YPEL2: variants seen among roughly 807,000 people sequenced by gnomAD.
YPEL2 encodes yippee like 2.
In YPEL2, 2 loss-of-function variants were observed where a neutral mutation model predicts 19.1. That is an observed-to-expected ratio of 0.10 (90% confidence interval 0.04 to 0.33). YPEL2 has a LOEUF of 0.33. Ranked by LOEUF, YPEL2 falls within the 10% of genes least tolerant of loss-of-function variation. The probability of loss-of-function intolerance (pLI) is 1.00; values close to 1 mark genes in which losing one functional copy is unlikely to be tolerated. For synonymous variants in YPEL2, 52 were observed against 50.0 expected (o/e 1.04, Z -0.17); for missense variants, 66 against 140.7 (o/e 0.47, Z 2.68).
intron 1 of YPEL2, among the ~76,000 whole-genome samples, chr17:59,343,269 G>A (rs1383967563): frequency 6.6e-6 from 1 of 152,088 alleles, no homozygotes; most frequent in Non-Finnish European, 1.5e-5. Flanking sequence ...ACATGGCAGT[G>A]TGGTTTCACT....
chr17:59,400,258 AGAGAT>A lies in YPEL2; in HGVS notation c.*3071_*3075del, dbSNP rs2048063683. On this transcript the variant is annotated 3_prime_UTR_variant, in exon 5 of 5. Transcript: ENST00000312655. ...TTACTGGTGGATCAGTGTGTGCGAAAGAGATGACCCTTTATAAAGAGATTTTCAAG... is the reference window on the plus strand; with the variant it reads ...TTACTGGTGGATCAGTGTGTGCGAAAGACCCTTTATAAAGAGATTTTCAAG... 6.5e-6 allele frequency: 1 copy of A among 152,682 alleles called. No homozygotes were observed. The highest frequency in any genetic ancestry group is 2.4e-5 in the African/African-American group (1 of 41,466). The allele number at this position is 152,682 out of a possible 1,614,324, so 9.5% of individuals were successfully genotyped here.
intron 2 of YPEL2, among the ~76,000 whole-genome samples, chr17:59,372,363 A>G (rs933566541): frequency 6.6e-6 from 1 of 152,144 alleles, no homozygotes; most frequent in African/African-American, 2.4e-5. Context: ...CTCTGTTTCC[A>G]TGATGCTAAT....
chr17:59,388,530 G>A (rs1346429491), intron 3 of YPEL2, among the ~76,000 whole-genome samples, 160 bp downstream of exon 3: 1 of 152,140 alleles, frequency 6.6e-6, no homozygotes, highest in African/African-American at 2.4e-5. Flanking sequence ...TACCTTTGGG[G>A]AACATTTCTT....
At chr17:59,363,299 CTTT>C (rs372443124) in intron 2 of YPEL2, 1 of 147,470 alleles carries the variant, frequency 6.8e-6, no homozygotes, top group Non-Finnish European at 1.5e-5. Flanking sequence ...AAGACTTACC[CTTT>C]TTTTTTTTCT....
intron 4 of YPEL2, among the ~76,000 whole-genome samples, chr17:59,392,130 G>C (rs1181945506): frequency 2.0e-5 from 3 of 152,288 alleles, no homozygotes; most frequent in Non-Finnish European, 4.4e-5. Context: ...TTTTGGCTAA[G>C]ATCAAGTGCA....
intron 1 of YPEL2, among the ~76,000 whole-genome samples, chr17:59,341,218 C>T (rs1334335073): frequency 6.6e-6 from 1 of 151,478 alleles, no homozygotes; most frequent in African/African-American, 2.4e-5. Context: ...AGGTGAAATC[C>T]CATCTCTACT....
At position 59,366,875 on chromosome 17, in the gene YPEL2, A is replaced by G. The variant is rs1260365996; in HGVS notation, c.117+13349A>G. On this transcript the variant is annotated intron_variant, in intron 2 of 4. Transcript: ENST00000312655. ...ATTCTTCCCGCAGCGGGAGAAAAAA[A>G]GAAAAAACACAAAGTGTGTCTGTGT... Among the ~76,000 whole-genome samples, 10 of 152,238 alleles carry G rather than the reference A, an allele frequency of 6.6e-5. No individual in the cohort carries two copies. The East Asian group carries it at 1.9e-3, about 29-fold the overall frequency.
intron 4 of YPEL2, among the ~76,000 whole-genome samples, chr17:59,395,621 T>G (rs1185142964): frequency 2.0e-5 from 3 of 152,112 alleles, no homozygotes; most frequent in Non-Finnish European, 4.4e-5. Context: ...TAGGTGGGGC[T>G]TAAGGACTGC....
At chr17:59,350,371 T>C (rs2047781800) in intron 1 of YPEL2, among the ~76,000 whole-genome samples, 1 of 152,220 alleles carries the variant, frequency 6.6e-6, no homozygotes, top group Non-Finnish European at 1.5e-5. Context: ...TTTTCCTTTT[T>C]TCTTCTTAGG....
chr17:59,340,027 G>T (rs766355977), intron 1 of YPEL2, among the ~76,000 whole-genome samples: 41 of 151,840 alleles, frequency 2.7e-4, no homozygotes, highest in Non-Finnish European at 4.3e-4. Context: ...ACCAGACATG[G>T]TCTCATGTCT....
At chr17:59,395,131 T>A (rs2048032095) in intron 4 of YPEL2, among the ~76,000 whole-genome samples, 1 of 152,206 alleles carries the variant, frequency 6.6e-6, no homozygotes, top group Non-Finnish European at 1.5e-5. Context: ...TTTTGCTTTT[T>A]CCTCCTTCCC....
At chr17:59,389,714 A>G (rs2047998313) in intron 4 of YPEL2, among the ~76,000 whole-genome samples, 1 of 151,784 alleles carries the variant, frequency 6.6e-6, no homozygotes, top group African/African-American at 2.4e-5. Context: ...TAGTAATGGC[A>G]TATAACCTTA....
intron 4 of YPEL2, among the ~76,000 whole-genome samples, chr17:59,391,679 C>T (rs866396041): frequency 6.6e-5 from 10 of 152,098 alleles, no homozygotes; most frequent in African/African-American, 2.4e-4. Context: ...GGGTGGATCA[C>T]CTGAGGTCAA....
intron 2 of YPEL2, among the ~76,000 whole-genome samples, chr17:59,384,957 C>G (rs1489608578): frequency 6.6e-6 from 1 of 152,210 alleles, no homozygotes; most frequent in Non-Finnish European, 1.5e-5. Flanking sequence ...TTCTTCTAAG[C>G]TCCGAACTTG....
chr17:59,385,945 C>T (rs369582110), intron 2 of YPEL2, among the ~76,000 whole-genome samples: 26 of 152,272 alleles, frequency 1.7e-4, no homozygotes, highest in Middle Eastern at 6.8e-3. Context: ...GAAGACATGG[C>T]GCACACCTTC....
chr17:59,374,354 C>A (rs1412743399), intron 2 of YPEL2, among the ~76,000 whole-genome samples: 2 of 152,206 alleles, frequency 1.3e-5, no homozygotes, highest in Non-Finnish European at 2.9e-5. Context: ...GTTCTTCAGT[C>A]CCCACCATAA....
intron 1 of YPEL2, among the ~76,000 whole-genome samples, chr17:59,351,217 A>G (rs2047785831): frequency 1.3e-5 from 2 of 152,118 alleles, no homozygotes; most frequent in African/African-American, 4.8e-5. Flanking sequence ...TCTACTAAAA[A>G]TACAAAAATT....
chr17:59,363,923 C>G (rs1215336266), intron 2 of YPEL2, among the ~76,000 whole-genome samples: 1 of 152,188 alleles, frequency 6.6e-6, no homozygotes, highest in Non-Finnish European at 1.5e-5. Context: ...CTCCTTTCCT[C>G]TCTCTCTATT....
intron 2 of YPEL2, among the ~76,000 whole-genome samples, chr17:59,387,414 A>T (rs1008081856): frequency 2.6e-5 from 4 of 152,010 alleles, no homozygotes; most frequent in Admixed American, 1.3e-4. Context: ...TTAGCCACTC[A>T]TCTCCTTGTT....
Sources: gnomAD v4.1 joint callset for allele counts (sites outside exome capture counted in the v4.1 genomes callset) on GRCh38, gnomAD v4.1.1 for gene constraint, MANE v1.5 for transcripts, NCBI Gene and HGNC (gene_info 2026-07-23, HGNC 2026-07-21) for gene names.